Variants in XKR4 observed in about 807,000 individuals in gnomAD.
XKR4 encodes the protein XK-related protein 4.
XKR4 carries 12 observed loss-of-function variants against 53.9 expected under a neutral mutation model. That is an observed-to-expected ratio of 0.22 (90% CI 0.14 to 0.36). The LOEUF (loss-of-function observed/expected upper bound fraction) is 0.36, where lower values mean the gene tolerates loss of function less well. Among genes scored for constraint, XKR4 ranks in the 10% least tolerant of loss-of-function variants. XKR4 has a pLI of 1.00. For synonymous variants in XKR4, 354 were observed against 362.4 expected (o/e 0.98, Z 0.26); for missense variants, 799 against 859.5 (o/e 0.93, Z 0.88).
chr8:55,133,592 C>T (rs187662905), intron 1 of XKR4, among the ~76,000 whole-genome samples: 161 of 152,058 alleles, frequency 1.1e-3, no homozygotes, highest in Non-Finnish European at 1.7e-3. Context: ...TTGATACTGG[C>T]GATTACCAAG....
At chr8:55,172,458 A>G (rs981212345) in intron 1 of XKR4, among the ~76,000 whole-genome samples, 38 of 152,166 alleles carry the variant, frequency 2.5e-4, no homozygotes, top group African/African-American at 9.2e-4. Context: ...TTTCTTCTAC[A>G]TCCTTTCAAA....
chr8:55,468,033 G>A (rs986121), intron 2 of XKR4, among the ~76,000 whole-genome samples: 49,951 of 151,790 alleles, frequency 0.33, 9,675 homozygotes, highest in African/African-American at 0.55. Context: ...ACATATTTTT[G>A]CACTGTTTAT....
At chr8:55,370,027 T>G (rs939385744) in intron 2 of XKR4, among the ~76,000 whole-genome samples, 2 of 152,168 alleles carry the variant, frequency 1.3e-5, no homozygotes, top group Non-Finnish European at 2.9e-5. Context: ...ACCAGTGTAC[T>G]CCAGTCTGGG....
chr8:55,292,234 T>C (rs1267381860), intron 1 of XKR4, among the ~76,000 whole-genome samples: 1 of 152,144 alleles, frequency 6.6e-6, no homozygotes, highest in African/African-American at 2.4e-5. Context: ...TGGAAGAGTG[T>C]ATAGAGTTTA....
At chr8:55,163,884 T>A (rs2129357509) in intron 1 of XKR4, among the ~76,000 whole-genome samples, 1 of 152,194 alleles carries the variant, frequency 6.6e-6, no homozygotes, top group South Asian at 2.1e-4. Context: ...AAATAAATAT[T>A]ATATAAAGAA....
At chr8:55,168,212 T>C (rs9792156) in intron 1 of XKR4, among the ~76,000 whole-genome samples, 32,983 of 152,092 alleles carry the variant, frequency 0.22, 3,784 homozygotes, top group Non-Finnish European at 0.25. Flanking sequence ...AAACATTCCC[T>C]TTTTCTTCAT....
chr8:55,242,524 T>C (rs1342869067), intron 1 of XKR4, among the ~76,000 whole-genome samples: 1 of 152,166 alleles, frequency 6.6e-6, no homozygotes, highest in Non-Finnish European at 1.5e-5. Flanking sequence ...TTGTTCAAAA[T>C]TGGATATAGA....
At chr8:55,496,572 A>G (rs1806353010) in intron 2 of XKR4, among the ~76,000 whole-genome samples, 1 of 152,238 alleles carries the variant, frequency 6.6e-6, no homozygotes. Flanking sequence ...GGGTATTCTT[A>G]TAAAACCAAT....
At chr8:55,363,776 G>T (rs911314176) in intron 2 of XKR4, among the ~76,000 whole-genome samples, 1 of 152,184 alleles carries the variant, frequency 6.6e-6, no homozygotes, top group South Asian at 2.1e-4. Flanking sequence ...GCAGGCGAGA[G>T]TGCCAGTCTG....
intron 1 of XKR4, among the ~76,000 whole-genome samples, chr8:55,336,734 AG>A (rs1295220089): frequency 1.3e-5 from 2 of 152,060 alleles, no homozygotes; most frequent in African/African-American, 4.8e-5. Flanking sequence ...TTAGAGGGGG[AG>A]GGAGAAAGAT....
rs969193304 is a variant in XKR4, at chr8:55,196,174, C to T, written c.806+92880C>T. ...CAGGAACATGTGGGTGGTTGTGCTT[C>T]CTTTTTTTTTTTTTTTTTTTTGTTG... On this transcript the variant is annotated intron_variant, in intron 1 of 2. Transcript: ENST00000327381. Among the ~76,000 whole-genome samples, 294 of 137,792 alleles carry T rather than the reference C, an allele frequency of 2.1e-3. 2 individuals carry two copies. Among genetic ancestry groups the T allele is most frequent in the African/African-American group, 7.8e-3 (277 of 35,506 alleles). 90.4% of individuals were successfully genotyped at this position (137,792 alleles called of 152,430 possible).
At chr8:55,133,490 A>G (rs538052557) in intron 1 of XKR4, among the ~76,000 whole-genome samples, 2 of 152,300 alleles carry the variant, frequency 1.3e-5, no homozygotes, top group African/African-American at 4.8e-5. Context: ...GGTCTAATGG[A>G]TTAGGATGAA....
chr8:55,355,305 C>A (rs200151122), intron 1 of XKR4, among the ~76,000 whole-genome samples: 1 of 150,974 alleles, frequency 6.6e-6, no homozygotes, highest in Non-Finnish European at 1.5e-5. Context: ...GAATAGAAGA[C>A]GGAGAGGAGG....
chr8:55,293,018 A>C (rs972201665), intron 1 of XKR4, among the ~76,000 whole-genome samples: 5 of 150,550 alleles, frequency 3.3e-5, no homozygotes, highest in African/African-American at 1.2e-4. Flanking sequence ...GCCAACTGCC[A>C]TTTTTTCCAT....
chr8:55,433,795 G>A (rs1377892262), intron 2 of XKR4, among the ~76,000 whole-genome samples: 2 of 152,216 alleles, frequency 1.3e-5, no homozygotes, highest in Non-Finnish European at 2.9e-5. Flanking sequence ...AGAAGCTGAG[G>A]TGGGAAGATT....
intron 1 of XKR4, among the ~76,000 whole-genome samples, chr8:55,129,535 T>C (rs1816524823): frequency 6.6e-6 from 1 of 152,130 alleles, no homozygotes; most frequent in Non-Finnish European, 1.5e-5. Context: ...TTTAGTAACA[T>C]GGAAACCCAA....
chr8:55,232,892 T>C (rs542350945), intron 1 of XKR4, among the ~76,000 whole-genome samples: 1 of 152,306 alleles, frequency 6.6e-6, no homozygotes, highest in South Asian at 2.1e-4. Flanking sequence ...TCTCTTCCAC[T>C]CTCTCTGTTC....
At position 55,468,446 on chromosome 8, in the gene XKR4, GT is replaced by G. The variant is rs547511889; in HGVS notation, c.1007-54833del. On this transcript the variant is annotated intron_variant, in intron 2 of 2. Transcript: ENST00000327381. Reference sequence around the variant, plus strand: ...CCCCATCTCTGAGCACTATTTCCATGTTATATCTAATTTTTTTTCTTAATAT... The same window carrying G: ...CCCCATCTCTGAGCACTATTTCCATGTATATCTAATTTTTTTTCTTAATAT... 1.4e-3 allele frequency among the ~76,000 whole-genome samples: 218 copies of G among 151,914 alleles called. 1 individual carries two copies. Among genetic ancestry groups the G allele is most frequent in the African/African-American group, 5.0e-3 (205 of 41,350 alleles).
intron 1 of XKR4, among the ~76,000 whole-genome samples, chr8:55,249,704 T>G (rs1818339179): frequency 1.3e-5 from 2 of 152,222 alleles, no homozygotes; most frequent in African/African-American, 4.8e-5. Flanking sequence ...TAAAGGTCAA[T>G]TAGAAAGATT....
Sources: allele counts gnomAD v4.1 joint callset (sites outside exome capture counted in the v4.1 genomes callset), GRCh38; gene constraint gnomAD v4.1.1; transcripts MANE v1.5; gene names NCBI Gene and HGNC (gene_info 2026-07-23, HGNC 2026-07-21).